The following ELK3 variants were observed in gnomAD, a reference collection of about 807,000 sequenced individuals.
The protein encoded by ELK3 is ETS domain-containing protein Elk-3.
ELK3 carries 10 observed loss-of-function variants against 28.9 expected under a neutral mutation model. The ratio of observed to expected loss-of-function variants is 0.35; its 90% CI spans 0.21 to 0.59. The LOEUF is 0.59. ELK3 is among the 20% of genes least tolerant of loss of function. The pLI is 0.82. For synonymous variants in ELK3, 272 were observed against 243.5 expected (o/e 1.12, Z -1.09); for missense variants, 463 against 517.3 (o/e 0.90, Z 1.02).
intron 4 of ELK3, among the ~76,000 whole-genome samples, chr12:96,261,894 G>C (rs1016588613): frequency 6.6e-6 from 1 of 152,106 alleles, no homozygotes; most frequent in Non-Finnish European, 1.5e-5. Flanking sequence ...CACTACTGTA[G>C]ACCAATGGTT....
Position 96,218,774 on chromosome 12 carries a change from G to A in ELK3, c.-2-4791G>A, listed in dbSNP as rs544326439. Reference sequence around the variant, plus strand: ...CGCCATTCTCCTGCCTTAGCCTCCCGAGTAGCTGGGACCACAGGCGCCCGC... The same window carrying A: ...CGCCATTCTCCTGCCTTAGCCTCCCAAGTAGCTGGGACCACAGGCGCCCGC... On this transcript the variant is annotated intron_variant, in intron 1 of 4. Coordinates refer to ENST00000228741, the MANE Select transcript of ELK3 (RefSeq NM_005230.4). Among the ~76,000 whole-genome samples the A allele has an allele frequency of 4.6e-5, 7 of 150,852 alleles. 1 individual carries two copies. Among genetic ancestry groups the A allele is most frequent in the African/African-American group, 1.7e-4 (7 of 41,034 alleles).
At chr12:96,241,564 C>A (rs1487707558) in intron 2 of ELK3, among the ~76,000 whole-genome samples, 1 of 152,002 alleles carries the variant, frequency 6.6e-6, no homozygotes, top group Non-Finnish European at 1.5e-5. Flanking sequence ...GGAAATATGA[C>A]CTGCTCTCTT....
In ELK3 at chr12:96,267,583, T is replaced by C. The variant is rs1342738157; in HGVS notation, c.*403T>C. 1 of 153,466 alleles carries C rather than the reference T, an allele frequency of 6.5e-6. No individual in the cohort carries two copies. The highest frequency in any genetic ancestry group is 2.4e-5 in the African/African-American group (1 of 41,470). The allele number at this position is 153,466 out of a possible 1,614,324, so 9.5% of individuals were successfully genotyped here. A position where few individuals can be genotyped will look rare whatever the true frequency, so the allele number is the denominator to read the frequency against. On this transcript the variant is annotated 3_prime_UTR_variant, in exon 5 of 5. Transcript: ENST00000228741. ...GTTGTGCCTTCCTTCGCATTTAATG[T>C]AAATGAATGATTTATATATTTTTTA...
At chr12:96,225,707 G>A (rs1951694170) in intron 2 of ELK3, among the ~76,000 whole-genome samples, 1 of 152,176 alleles carries the variant, frequency 6.6e-6, no homozygotes, top group African/African-American at 2.4e-5. Flanking sequence ...GGTCCACCCA[G>A]GTTCCCAGCC....
intron 1 of ELK3, among the ~76,000 whole-genome samples, chr12:96,202,393 C>T (rs1401984711): frequency 6.6e-6 from 1 of 152,182 alleles, no homozygotes; most frequent in Non-Finnish European, 1.5e-5. Context: ...GACTCCATGC[C>T]TAACCAATTT....
At chr12:96,206,076 G>A (rs61938847) in intron 1 of ELK3, among the ~76,000 whole-genome samples, 3,268 of 152,218 alleles carry the variant, frequency 0.021, 87 homozygotes, top group African/African-American at 0.06. Flanking sequence ...AAATAAGCTC[G>A]TTGCCCTGCT....
At chr12:96,223,194 T>C (rs2137014329) in intron 1 of ELK3, among the ~76,000 whole-genome samples, 1 of 152,224 alleles carries the variant, frequency 6.6e-6, no homozygotes, top group African/African-American at 2.4e-5. Context: ...ATTGATGGGA[T>C]GGGCGGGAAT....
intron 2 of ELK3, among the ~76,000 whole-genome samples, chr12:96,230,519 A>C (rs1019325886): frequency 1.3e-5 from 2 of 152,158 alleles, no homozygotes; most frequent in Non-Finnish European, 2.9e-5. Flanking sequence ...AGCAGGTATA[A>C]ACACTAGACT....
chr12:96,230,212 G>T (rs1412256790), intron 2 of ELK3, among the ~76,000 whole-genome samples: 1 of 152,162 alleles, frequency 6.6e-6, no homozygotes, highest in Non-Finnish European at 1.5e-5. Context: ...CAGGTTTGTA[G>T]CCTGAGAGCA....
chr12:96,234,697 A>G (rs1343886303), intron 2 of ELK3, among the ~76,000 whole-genome samples: 1 of 152,212 alleles, frequency 6.6e-6, no homozygotes, highest in Non-Finnish European at 1.5e-5. Flanking sequence ...TTTGTGATGC[A>G]CCAGTGCTGG....
intron 1 of ELK3, among the ~76,000 whole-genome samples, chr12:96,214,291 G>C (rs1407083794): frequency 1.3e-5 from 2 of 152,000 alleles, no homozygotes; most frequent in Non-Finnish European, 2.9e-5. Flanking sequence ...ATGAGCCGGA[G>C]GCAGTGGTGT....
At chr12:96,236,331 TTCTCACTAGCACC>T (rs535376401) in intron 2 of ELK3, among the ~76,000 whole-genome samples, 55 of 152,250 alleles carry the variant, frequency 3.6e-4, no homozygotes, top group African/African-American at 1.3e-3. Context: ...AAGCCAGCAC[TTCTCACTAGCACC>T]CTCAGGGTGC....
intron 2 of ELK3, among the ~76,000 whole-genome samples, chr12:96,244,031 G>C (rs996690475): frequency 6.7e-6 from 1 of 149,980 alleles, no homozygotes; most frequent in Non-Finnish European, 1.5e-5. Context: ...AAAAATCTAT[G>C]ATTCTGTTTA....
chr12:96,225,611 A>G (rs1951693355), intron 2 of ELK3, among the ~76,000 whole-genome samples: 1 of 152,104 alleles, frequency 6.6e-6, no homozygotes, highest in South Asian at 2.1e-4. Context: ...TCCTCCTTAT[A>G]CACATGAGAA....
intron 1 of ELK3, among the ~76,000 whole-genome samples, chr12:96,222,091 C>A (rs1324705498): frequency 2.0e-5 from 3 of 152,090 alleles, no homozygotes; most frequent in Admixed American, 2.0e-4. Context: ...AACAGTTGAT[C>A]CGTGGCAAAG....
chr12:96,267,194 C>G lies in ELK3; in HGVS notation c.*14C>G. ...CAGAAATCCTGATGACGTCTGGCCA[C>G]AATTAAGGACTCATTAACTGATGAA... On this transcript the variant is annotated 3_prime_UTR_variant, in exon 5 of 5. Transcript: ENST00000228741. 6.2e-7 allele frequency: 1 copy of G among 1,606,358 alleles called. No homozygotes were observed. Among genetic ancestry groups the G allele is most frequent in the Non-Finnish European group, 8.5e-7 (1 of 1,175,966 alleles).
At chr12:96,202,479 T>C (rs1951513458) in intron 1 of ELK3, among the ~76,000 whole-genome samples, 1 of 148,488 alleles carries the variant, frequency 6.7e-6, no homozygotes. Context: ...AGAGTAGATC[T>C]CCCTCAGTCA....
chr12:96,244,005 C>CA (rs146090608), intron 2 of ELK3, among the ~76,000 whole-genome samples: 5,831 of 111,002 alleles, frequency 0.053, 182 homozygotes, highest in Middle Eastern at 0.14. Context: ...GACTCCATCT[C>CA]AAAAAAAAAA....
chr12:96,260,177 C>G (rs1189548513), intron 4 of ELK3, among the ~76,000 whole-genome samples: 1 of 152,114 alleles, frequency 6.6e-6, no homozygotes, highest in East Asian at 1.9e-4. Flanking sequence ...AGTGTGATGG[C>G]TCACACCTGT....
Sources: allele counts gnomAD v4.1 joint callset (sites outside exome capture counted in the v4.1 genomes callset), GRCh38; gene constraint gnomAD v4.1.1; transcripts MANE v1.5; gene names NCBI Gene and HGNC (gene_info 2026-07-23, HGNC 2026-07-21).